IPP: variants seen among roughly 807,000 people sequenced by gnomAD.
IPP encodes the protein actin-binding protein IPP.
IPP carries 41 observed loss-of-function variants against 64.1 expected under a neutral mutation model. The observed-to-expected ratio is 0.64, with a 90% CI of 0.50 to 0.83. The LOEUF is 0.83. Among genes scored for constraint, IPP ranks in the 40% least tolerant of loss-of-function variants. IPP has a pLI of 0.00. For missense variants in IPP, 649 were observed against 703.0 expected, an observed-to-expected ratio of 0.92 and a Z score of 0.87; for synonymous variants, 214 against 235.2, an observed-to-expected ratio of 0.91 and a Z score of 0.83.
chr1:45,750,002 G>A (rs1044084837), intron 1 of IPP, among the ~76,000 whole-genome samples: 3 of 152,122 alleles, frequency 2.0e-5, no homozygotes, highest in South Asian at 2.1e-4. Context: ...GCAGTGAGTT[G>A]TGATCGCACC....
chr1:45,707,661 T>C (rs1008873810), intron 8 of IPP, among the ~76,000 whole-genome samples: 6 of 151,924 alleles, frequency 3.9e-5, no homozygotes, highest in African/African-American at 1.5e-4. Context: ...CAAAACAAAC[T>C]AGACAAACTG....
intron 8 of IPP, among the ~76,000 whole-genome samples, chr1:45,712,875 A>G (rs1645608951): frequency 6.9e-6 from 1 of 143,916 alleles, no homozygotes; most frequent in South Asian, 2.2e-4. Flanking sequence ...GAAAAAAAAA[A>G]AAAATATATA....
chr1:45,725,386 G>A (rs1645806927), intron 5 of IPP, among the ~76,000 whole-genome samples: 1 of 147,414 alleles, frequency 6.8e-6, no homozygotes, highest in Non-Finnish European at 1.5e-5. Flanking sequence ...GGGAGGTGAG[G>A]GGCGCCTCTG....
At chr1:45,724,879 G>C (rs1027227660) in intron 5 of IPP, among the ~76,000 whole-genome samples, 3 of 150,092 alleles carry the variant, frequency 2.0e-5, no homozygotes, top group South Asian at 2.1e-4. Context: ...CCCCGTCGGG[G>C]AGGGAGGTGG....
intron 2 of IPP, among the ~76,000 whole-genome samples, chr1:45,744,154 TTCTCTC>T (rs765771063): frequency 6.6e-6 from 1 of 152,178 alleles, no homozygotes; most frequent in Non-Finnish European, 1.5e-5. Flanking sequence ...CACATAGTTT[TTCTCTC>T]TCTCTTTTTG....
chr1:45,733,646 A>G (rs1448943573), intron 3 of IPP, among the ~76,000 whole-genome samples: 1 of 151,968 alleles, frequency 6.6e-6, no homozygotes, highest in South Asian at 2.1e-4. Context: ...AGCCTGGCCA[A>G]TATGGCGAAA....
At chr1:45,701,694 G>A (rs1329029870) in intron 8 of IPP, among the ~76,000 whole-genome samples, 1 of 152,190 alleles carries the variant, frequency 6.6e-6, no homozygotes, top group Non-Finnish European at 1.5e-5. Context: ...GCCAGGTAAT[G>A]GGAGAACAGA....
chr1:45,738,775 G>C (rs1239525599), intron 3 of IPP, among the ~76,000 whole-genome samples: 4 of 145,572 alleles, frequency 2.7e-5, no homozygotes, highest in Non-Finnish European at 5.9e-5. Flanking sequence ...AGGAGGCGGA[G>C]CTTGCAGTGA....
downstream of IPP, chr1:45,698,681 GACA>G (rs1645408816): frequency 3.1e-6 from 3 of 961,150 alleles, no homozygotes; most frequent in Admixed American, 6.3e-5. Flanking sequence ...TAATTTTGGT[GACA>G]ACAATCTAGC....
At chr1:45,711,960 T>A (rs1053948235) in intron 8 of IPP, among the ~76,000 whole-genome samples, 14 of 152,070 alleles carry the variant, frequency 9.2e-5, no homozygotes, top group Admixed American at 8.5e-4. Flanking sequence ...ACTCCTTTTT[T>A]AAAAACTGAC....
intron 6 of IPP, among the ~76,000 whole-genome samples, chr1:45,717,981 G>A (rs981342602): frequency 2.6e-5 from 4 of 151,426 alleles, no homozygotes; most frequent in Non-Finnish European, 4.4e-5. Context: ...ACAGTGAACT[G>A]AAGAAGGAGT....
In IPP at chr1:45,719,345, G is replaced by A. The variant is rs201057675; in HGVS notation, c.1049-5C>T. 1 of 1,574,926 alleles carries A rather than the reference G, an allele frequency of 6.3e-7. No homozygotes were observed. Among genetic ancestry groups the A allele is most frequent in the Admixed American group, 1.8e-5 (1 of 54,252 alleles). On this transcript the variant is annotated splice_polypyrimidine_tract_variant and splice_region_variant and intron_variant, in intron 5 of 8. Transcript: ENST00000396478. Reference sequence around the variant, plus strand: ...AAATCATTGAATCCTTTTCACCTGAGTTAAATAAAAGAGACAAATATTATA... The same window carrying A: ...AAATCATTGAATCCTTTTCACCTGAATTAAATAAAAGAGACAAATATTATA...
At chr1:45,725,616 T>C (rs1645813078) in intron 5 of IPP, among the ~76,000 whole-genome samples, 2 of 137,310 alleles carry the variant, frequency 1.5e-5, no homozygotes, top group Admixed American at 7.3e-5. Flanking sequence ...GGATGGGCCA[T>C]GATGACAATG....
At chr1:45,718,662 T>C (rs1645691855) in intron 6 of IPP, among the ~76,000 whole-genome samples, 1 of 152,058 alleles carries the variant, frequency 6.6e-6, no homozygotes, top group Admixed American at 6.6e-5. Flanking sequence ...AGTTGGTTTT[T>C]AAAAAAAGAA....
intron 5 of IPP, among the ~76,000 whole-genome samples, chr1:45,723,981 T>TCC (rs1645767361): frequency 6.2e-5 from 7 of 113,806 alleles, no homozygotes; most frequent in East Asian, 6.0e-4. Flanking sequence ...CCCCTCCCCC[T>TCC]CCCTCTCCCT....
chr1:45,704,545 T>A (rs934183664), intron 8 of IPP, among the ~76,000 whole-genome samples: 2 of 152,076 alleles, frequency 1.3e-5, no homozygotes, highest in African/African-American at 4.8e-5. Flanking sequence ...GGAAGCAAAG[T>A]CTTTAACTGA....
At chr1:45,731,071 A>G (rs1645898540) in intron 3 of IPP, among the ~76,000 whole-genome samples, 1 of 152,252 alleles carries the variant, frequency 6.6e-6, no homozygotes, top group African/African-American at 2.4e-5. Flanking sequence ...GAGAGATATC[A>G]AAGTCAAGTT....
chr1:45,694,719 G>T (rs1645372061), downstream of IPP: 1 of 495,420 alleles, frequency 2.0e-6, no homozygotes, highest in Non-Finnish European at 3.6e-6. Context: ...AGGATATTTG[G>T]CATGGTACAG....
intron 3 of IPP, among the ~76,000 whole-genome samples, chr1:45,738,900 G>T (rs576672656): frequency 5.5e-5 from 8 of 144,472 alleles, no homozygotes; most frequent in Admixed American, 4.8e-4. Flanking sequence ...AGGCTCTATT[G>T]ACTATGTGAC....
Sources: gnomAD v4.1 joint callset for allele counts (sites outside exome capture counted in the v4.1 genomes callset) on GRCh38, gnomAD v4.1.1 for gene constraint, MANE v1.5 for transcripts, NCBI Gene and HGNC (gene_info 2026-07-23, HGNC 2026-07-21) for gene names.